Variants in AMMECR1 observed in about 807,000 individuals in gnomAD.
The protein encoded by AMMECR1 is nuclear protein AMMECR1.
In AMMECR1, 3 loss-of-function variants were observed where a neutral mutation model predicts 22.5. The ratio of observed to expected loss-of-function variants is 0.13; its 90% CI spans 0.06 to 0.35. AMMECR1 has a LOEUF of 0.35. Among genes scored for constraint, AMMECR1 ranks in the 10% least tolerant of loss-of-function variants. AMMECR1 has a pLI of 1.00. For missense variants in AMMECR1, 235 were observed against 278.7 expected (o/e 0.84, Z 1.12); for synonymous variants, 130 against 116.7 (o/e 1.11, Z -0.74).
At chrX:110,363,274 A>T (rs1297535894) in intron 2 of AMMECR1, among the ~76,000 whole-genome samples, 2 of 111,817 alleles carry the variant, frequency 1.8e-5, no homozygotes, top group African/African-American at 6.5e-5. Flanking sequence ...TGGAGTTTTG[A>T]AAAATGGACA....
At chrX:110,405,470 T>A (rs1169267818) in intron 2 of AMMECR1, among the ~76,000 whole-genome samples, 2 of 111,742 alleles carry the variant, frequency 1.8e-5, no homozygotes, top group Admixed American at 1.9e-4. Context: ...TGGCTGTTTC[T>A]CCAAGAATGT....
chrX:110,397,603 T>C (rs2068536412), intron 2 of AMMECR1, among the ~76,000 whole-genome samples: 1 of 110,738 alleles, frequency 9.0e-6, no homozygotes, highest in African/African-American at 3.3e-5. Context: ...AGAGACACAG[T>C]CACTGCTGGG....
chrX:110,334,409 A>G (rs2068133028), intron 2 of AMMECR1, among the ~76,000 whole-genome samples: 1 of 111,991 alleles, frequency 8.9e-6, no homozygotes, highest in African/African-American at 3.2e-5. Flanking sequence ...AAAATTAAAT[A>G]AGGTAAGAAA....
intron 1 of AMMECR1, among the ~76,000 whole-genome samples, chrX:110,282,916 A>G (rs2067860291): frequency 8.9e-6 from 1 of 111,848 alleles, no homozygotes; most frequent in Non-Finnish European, 1.9e-5. Flanking sequence ...AGACACTGTT[A>G]ATATGGAGCA....
At chrX:110,377,314 C>T (rs1295623361) in intron 2 of AMMECR1, among the ~76,000 whole-genome samples, 1 of 111,721 alleles carries the variant, frequency 9.0e-6, no homozygotes, top group Non-Finnish European at 1.9e-5. Flanking sequence ...GCAAACCCCA[C>T]CATCCCACCT....
chrX:110,209,623 C>T (rs55774247), intron 3 of AMMECR1, among the ~76,000 whole-genome samples: 3,694 of 111,651 alleles, frequency 0.033, 65 homozygotes, highest in Middle Eastern at 0.06. Flanking sequence ...CTTCTTAAGA[C>T]TTCTAAATGG....
intron 1 of AMMECR1, among the ~76,000 whole-genome samples, chrX:110,434,570 C>A (rs747721520): frequency 1.8e-5 from 2 of 111,444 alleles, no homozygotes; most frequent in Non-Finnish European, 3.8e-5. Flanking sequence ...GTGACAAGGA[C>A]CCTGAGGTTC....
chrX:110,260,088 T>C (rs1051409623), intron 2 of AMMECR1, among the ~76,000 whole-genome samples: 1 of 111,862 alleles, frequency 8.9e-6, no homozygotes, highest in African/African-American at 3.3e-5. Context: ...TGAGCAATGA[T>C]AAATAGGGTA....
intron 2 of AMMECR1, among the ~76,000 whole-genome samples, chrX:110,419,878 A>G (rs775763176): frequency 3.6e-4 from 40 of 112,467 alleles, no homozygotes; most frequent in Non-Finnish European, 6.6e-4. Flanking sequence ...GGTATTTACT[A>G]TGTGCCAGGA....
At chrX:110,264,413 G>A in intron 2 of AMMECR1, 76 bp downstream of exon 2, 4 of 567,032 alleles carry the variant, frequency 7.1e-6, no homozygotes, top group Middle Eastern at 3.3e-4. Context: ...AGTAAAAGGA[G>A]TTAAAGTATC....
intron 2 of AMMECR1, among the ~76,000 whole-genome samples, chrX:110,371,213 T>C (rs1330902256): frequency 1.8e-5 from 2 of 111,006 alleles, no homozygotes; most frequent in Admixed American, 1.9e-4. Context: ...CCTCTTTGTG[T>C]ACCCCCCGAG....
chrX:110,414,285 G>A (rs2068661875), intron 2 of AMMECR1, among the ~76,000 whole-genome samples: 1 of 112,379 alleles, frequency 8.9e-6, no homozygotes, highest in South Asian at 3.7e-4. Flanking sequence ...CTAAGTAACT[G>A]TCCTGACAAT....
At chrX:110,200,523 A>G (rs1205989934) in intron 5 of AMMECR1, among the ~76,000 whole-genome samples, 1 of 112,108 alleles carries the variant, frequency 8.9e-6, no homozygotes, top group Non-Finnish European at 1.9e-5. Flanking sequence ...GTTTAGCTCA[A>G]TTGTGTTTTT....
chrX:110,408,225 C>A (rs1020384683), intron 2 of AMMECR1, among the ~76,000 whole-genome samples: 51 of 112,416 alleles, frequency 4.5e-4, no homozygotes, highest in African/African-American at 1.6e-3. Context: ...GGACTCTAGT[C>A]CTTGGAGGCA....
At chrX:110,288,695 C>T (rs2067893172) in intron 1 of AMMECR1, among the ~76,000 whole-genome samples, 2 of 111,858 alleles carry the variant, frequency 1.8e-5, no homozygotes, top group African/African-American at 6.5e-5. Context: ...CCAAACTATA[C>T]CATTTCTTTC....
intron 3 of AMMECR1, among the ~76,000 whole-genome samples, chrX:110,214,721 GCA>G (rs1000938471): frequency 3.1e-4 from 34 of 111,019 alleles, no homozygotes; most frequent in Non-Finnish European, 5.5e-4. Flanking sequence ...ACACACACAT[GCA>G]CACACACAGA....
chrX:110,339,107 G>A (rs1333528033), intron 2 of AMMECR1, among the ~76,000 whole-genome samples: 4 of 111,444 alleles, frequency 3.6e-5, no homozygotes, highest in African/African-American at 1.3e-4. Context: ...AGTCCTCACT[G>A]GTGCCAACCA....
chrX:110,307,864 CTTTTTTTTT>C (rs1162615101), intron 1 of AMMECR1, among the ~76,000 whole-genome samples: 1 of 63,620 alleles, frequency 1.6e-5, no homozygotes, highest in Non-Finnish European at 2.9e-5. Context: ...TTTTTTTTTT[CTTTTTTTTT>C]TTTTTTTTTT....
chrX:110,370,676 A>C (rs1323398105), intron 2 of AMMECR1, among the ~76,000 whole-genome samples: 1 of 112,414 alleles, frequency 8.9e-6, no homozygotes, highest in African/African-American at 3.2e-5. Flanking sequence ...TTTCTTCCTC[A>C]AATGCCATCG....
Sources: gnomAD v4.1 joint callset for allele counts (sites outside exome capture counted in the v4.1 genomes callset) on GRCh38, gnomAD v4.1.1 for gene constraint, MANE v1.5 for transcripts, NCBI Gene and HGNC (gene_info 2026-07-23, HGNC 2026-07-21) for gene names.